BEND7: variants seen among roughly 807,000 people sequenced by gnomAD.
BEND7 encodes the protein BEN domain containing 7, also known as BEN domain-containing protein 7.
In BEND7, 28 loss-of-function variants were observed where a neutral mutation model predicts 50.9. The observed-to-expected ratio is 0.55, with a 90% confidence interval of 0.41 to 0.75. The LOEUF (loss-of-function observed/expected upper bound fraction) is 0.75. Ranked by LOEUF, BEND7 falls within the 30% of genes least tolerant of loss-of-function variation. The pLI is 0.00. For missense variants in BEND7, 477 were observed against 491.3 expected (o/e 0.97, Z 0.28); for synonymous variants, 170 against 183.9 (o/e 0.92, Z 0.61).
In BEND7 at chr10:13,441,742, A is replaced by G; in HGVS notation, c.*1T>C. 6.2e-7 allele frequency: 1 copy of G among 1,614,094 alleles called. No individual in the cohort carries two copies. The highest frequency in any genetic ancestry group is 1.7e-5 in the Admixed American group (1 of 60,006). ...CAAGAGCTGTGGTTTGCAGTCCTTCATCAGACCACTTGAGAAAACAAAGGG... is the reference window on the plus strand; with the variant it reads ...CAAGAGCTGTGGTTTGCAGTCCTTCGTCAGACCACTTGAGAAAACAAAGGG... On this transcript the variant is annotated 3_prime_UTR_variant, in exon 9 of 9. Transcript: ENST00000466271.
chr10:13,519,613 T>G (rs1333677665), intron 2 of BEND7, among the ~76,000 whole-genome samples: 1 of 152,198 alleles, frequency 6.6e-6, no homozygotes, highest in Non-Finnish European at 1.5e-5. Flanking sequence ...CGCATGTGCG[T>G]CAGGAGGGCC....
intron 2 of BEND7, among the ~76,000 whole-genome samples, chr10:13,504,676 CT>C (rs974043727): frequency 1.3e-5 from 2 of 152,192 alleles, no homozygotes; most frequent in African/African-American, 2.4e-5. Flanking sequence ...ATAAGGAAAC[CT>C]GTGCATTTTT....
At chr10:13,525,306 T>C (rs146214864) in intron 2 of BEND7, among the ~76,000 whole-genome samples, 1 of 152,308 alleles carries the variant, frequency 6.6e-6, no homozygotes, top group East Asian at 1.9e-4. Flanking sequence ...AAACTGCACA[T>C]CCAAAGTCTT....
chr10:13,489,506 G>A (rs962631749), intron 5 of BEND7, among the ~76,000 whole-genome samples: 5 of 152,106 alleles, frequency 3.3e-5, no homozygotes, highest in Admixed American at 6.5e-5. Context: ...CAAGCTGCCC[G>A]TAGAAAGCGG....
chr10:13,481,575 C>T (rs1488126350), intron 5 of BEND7, among the ~76,000 whole-genome samples: 1 of 152,210 alleles, frequency 6.6e-6, no homozygotes, highest in Non-Finnish European at 1.5e-5. Context: ...TAATTTCTTT[C>T]CCCTAAGGAC....
chr10:13,506,017 A>T (rs2077857117), intron 2 of BEND7, among the ~76,000 whole-genome samples: 1 of 152,178 alleles, frequency 6.6e-6, no homozygotes, highest in African/African-American at 2.4e-5. Flanking sequence ...AGCACCTCCT[A>T]GGCTCCAGAG....
intron 2 of BEND7, among the ~76,000 whole-genome samples, chr10:13,509,510 G>C (rs148384910): frequency 2.2e-4 from 33 of 152,286 alleles, no homozygotes; most frequent in African/African-American, 7.7e-4. Context: ...TACGGTGTCC[G>C]TGACTGAACA....
chr10:13,465,757 G>A (rs1370566596), intron 6 of BEND7, among the ~76,000 whole-genome samples: 1 of 152,102 alleles, frequency 6.6e-6, no homozygotes, highest in African/African-American at 2.4e-5. Flanking sequence ...TGACAGTCAG[G>A]AGTGAATCTA....
At chr10:13,500,356 T>C (rs1024982631) in intron 2 of BEND7, among the ~76,000 whole-genome samples, 2 of 152,100 alleles carry the variant, frequency 1.3e-5, no homozygotes. Context: ...AAACATGACA[T>C]TCCCTCTTTG....
At chr10:13,488,570 C>A (rs1310769916) in intron 5 of BEND7, among the ~76,000 whole-genome samples, 1 of 152,194 alleles carries the variant, frequency 6.6e-6, no homozygotes, top group African/African-American at 2.4e-5. Context: ...TCACTGCAAT[C>A]TTCGACTCCC....
intron 6 of BEND7, among the ~76,000 whole-genome samples, chr10:13,474,943 T>C (rs1236008729): frequency 1.3e-5 from 2 of 152,256 alleles, no homozygotes; most frequent in African/African-American, 4.8e-5. Context: ...TCTCCTGTGG[T>C]TGTGTGTTCA....
downstream of BEND7, among the ~76,000 whole-genome samples, chr10:13,440,683 C>G (rs546619763): frequency 1.2e-3 from 179 of 152,352 alleles, no homozygotes; most frequent in Non-Finnish European, 1.9e-3. Flanking sequence ...GGGAAGCGAG[C>G]GATTCTGCGG....
intron 5 of BEND7, among the ~76,000 whole-genome samples, chr10:13,489,557 CTAT>C (rs749426377): frequency 2.0e-5 from 3 of 151,776 alleles, no homozygotes; most frequent in African/African-American, 4.8e-5. Context: ...AATACTATTA[CTAT>C]TATTATTATT....
At chr10:13,473,970 T>A (rs536655626) in intron 6 of BEND7, among the ~76,000 whole-genome samples, 20 of 150,286 alleles carry the variant, frequency 1.3e-4, no homozygotes, top group Non-Finnish European at 1.5e-5. Context: ...TCGGGGCCAA[T>A]ACTTGTCATC....
intron 3 of BEND7, among the ~76,000 whole-genome samples, chr10:13,498,501 A>G (rs74886976): frequency 0.013 from 2,003 of 152,314 alleles, 43 homozygotes; most frequent in African/African-American, 0.046. Context: ...ACTGGGAAAC[A>G]GAACACTGTT....
At chr10:13,465,623 C>G (rs1269061883) in intron 6 of BEND7, among the ~76,000 whole-genome samples, 1 of 152,180 alleles carries the variant, frequency 6.6e-6, no homozygotes, top group Admixed American at 6.5e-5. Flanking sequence ...TGGAATATAA[C>G]CTCTGAACCA....
intron 2 of BEND7, among the ~76,000 whole-genome samples, chr10:13,512,625 C>G (rs1186026780): frequency 6.6e-6 from 1 of 152,200 alleles, no homozygotes; most frequent in East Asian, 1.9e-4. Context: ...GCAAATCTCC[C>G]CTCCTTCCTG....
chr10:13,460,680 C>T (rs1840032173), intron 6 of BEND7, among the ~76,000 whole-genome samples: 1 of 152,248 alleles, frequency 6.6e-6, no homozygotes, highest in Admixed American at 6.5e-5. Context: ...GACACACAGT[C>T]ACAAGTGATC....
chr10:13,506,477 A>C (rs530762417), intron 2 of BEND7, among the ~76,000 whole-genome samples: 75 of 152,322 alleles, frequency 4.9e-4, no homozygotes, highest in African/African-American at 1.8e-3. Context: ...CAGGCAACGG[A>C]GCTGGAGCGC....
Sources: gnomAD v4.1 joint callset for allele counts (sites outside exome capture counted in the v4.1 genomes callset) on GRCh38, gnomAD v4.1.1 for gene constraint, MANE v1.5 for transcripts, NCBI Gene and HGNC (gene_info 2026-07-23, HGNC 2026-07-21) for gene names.